Variants in PHACTR1 observed in about 807,000 individuals in gnomAD.
The protein encoded by PHACTR1 is phosphatase and actin regulator 1, also known as RPEL repeat containing 1.
Under a neutral mutation model 69.2 loss-of-function variants are expected in PHACTR1, and 16 were observed. That is an observed-to-expected ratio of 0.23 (90% CI 0.16 to 0.35). PHACTR1 has a LOEUF of 0.35. Ranked by LOEUF, PHACTR1 falls within the 10% of genes least tolerant of loss-of-function variation. PHACTR1 has a pLI of 1.00. For missense variants in PHACTR1, 510 were observed against 734.7 expected, an observed-to-expected ratio of 0.69 and a Z score of 3.54; for synonymous variants, 312 against 284.5, an observed-to-expected ratio of 1.10 and a Z score of -0.97.
chr6:13,132,586 AAGTG>A (rs1469070199), intron 5 of PHACTR1, among the ~76,000 whole-genome samples: 2 of 152,150 alleles, frequency 1.3e-5, no homozygotes, highest in Non-Finnish European at 2.9e-5. Context: ...CACTGAAATA[AAGTG>A]AGTATTTCAG....
At chr6:13,121,586 G>A (rs1436643504) in intron 5 of PHACTR1, among the ~76,000 whole-genome samples, 3 of 152,178 alleles carry the variant, frequency 2.0e-5, no homozygotes, top group East Asian at 3.8e-4. Context: ...GGTCTCACAT[G>A]CCAATTTGAT....
At chr6:13,276,998 A>G (rs930053806) in intron 11 of PHACTR1, among the ~76,000 whole-genome samples, 1 of 152,196 alleles carries the variant, frequency 6.6e-6, no homozygotes, top group Admixed American at 6.5e-5. Context: ...TACTAACGCC[A>G]TTTGAAATTT....
intron 4 of PHACTR1, among the ~76,000 whole-genome samples, chr6:12,896,246 C>T (rs1784657082): frequency 6.6e-6 from 1 of 152,200 alleles, no homozygotes; most frequent in South Asian, 2.1e-4. Context: ...GCAGGCATTA[C>T]CCTTGTAACT....
chr6:12,890,095 C>T (rs1044679137), intron 4 of PHACTR1, among the ~76,000 whole-genome samples: 1 of 150,982 alleles, frequency 6.6e-6, no homozygotes, highest in Non-Finnish European at 1.5e-5. Context: ...AGCTCCATCT[C>T]CTACCAAATC....
chr6:12,806,344 C>T (rs922918673), intron 4 of PHACTR1, among the ~76,000 whole-genome samples: 13 of 152,312 alleles, frequency 8.5e-5, no homozygotes, highest in East Asian at 7.7e-4. Context: ...TTTTTCTCTC[C>T]TACTACATTG....
At chr6:12,754,382 C>A (rs1273067190) in intron 4 of PHACTR1, among the ~76,000 whole-genome samples, 1 of 152,084 alleles carries the variant, frequency 6.6e-6, no homozygotes, top group Non-Finnish European at 1.5e-5. Context: ...CAGTGTGTTC[C>A]TCACTATATT....
intron 4 of PHACTR1, among the ~76,000 whole-genome samples, chr6:12,823,916 T>A (rs1776489123): frequency 6.6e-6 from 1 of 152,126 alleles, no homozygotes; most frequent in Non-Finnish European, 1.5e-5. Context: ...CTGAATTATA[T>A]TTTTCCTTCC....
intron 3 of PHACTR1, among the ~76,000 whole-genome samples, chr6:12,743,941 A>G (rs956539858): frequency 6.6e-5 from 10 of 152,298 alleles, no homozygotes; most frequent in African/African-American, 2.4e-4. Flanking sequence ...AAGAACAGAA[A>G]TTATAACAAA....
rs1821388396 is a variant in PHACTR1, at chr6:13,135,374, A to C, written c.416-24830A>C. Among the ~76,000 whole-genome samples the C allele has an allele frequency of 2.0e-5, 3 of 152,292 alleles. 1 individual carries two copies. In the South Asian group the frequency reaches 6.2e-4, roughly 32 times the overall value. ...CTGTGCGTCCCCAGCTGCCCTGCGG[A>C]GTCGCTGTTAGACATTGTACACCTG... On this transcript the variant is annotated intron_variant, in intron 5 of 14. Coordinates refer to ENST00000332995, the MANE Select transcript of PHACTR1 (RefSeq NM_030948.6).
rs374578524 is a variant in PHACTR1 at position 13,227,796 on chromosome 6, T to C, written c.987-20T>C. On this transcript the variant is annotated intron_variant, in intron 8 of 14. Coordinates refer to ENST00000332995, the MANE Select transcript of PHACTR1 (RefSeq NM_030948.6). ...CGTTAGCCAAAGTGAATTTCCTCTT[T>C]CCTCCTTGTCTTTAAACAGCTCTGA... is the stretch of plus-strand genomic sequence containing the variant. 25 of 1,606,186 alleles carry C rather than the reference T, an allele frequency of 1.6e-5. No homozygotes were observed. Among genetic ancestry groups the C allele is most frequent in the African/African-American group, 2.7e-5 (2 of 74,510 alleles).
At position 13,053,260 on chromosome 6, in the gene PHACTR1, G is replaced by T. The variant is rs961474028; in HGVS notation, c.251-105G>T. 6 of 1,190,938 alleles carry T rather than the reference G, an allele frequency of 5.0e-6. No individual in the cohort carries two copies. The African/African-American group carries it at 9.3e-5, about 18-fold the overall frequency. 73.8% of individuals were successfully genotyped at this position (1,190,938 alleles called of 1,614,324 possible). On this transcript the variant is annotated intron_variant, in intron 4 of 14. Coordinates refer to ENST00000332995, the MANE Select transcript of PHACTR1 (RefSeq NM_030948.6). ...AGGCAAAGAGAAACTCTAGTCACGT[G>T]GTTTCTGTTATCTGTAACCATGGAA...
At chr6:13,274,625 G>A (rs906897031) in intron 11 of PHACTR1, 4 of 152,210 alleles carry the variant, frequency 2.6e-5, no homozygotes, top group African/African-American at 4.8e-5. Flanking sequence ...CCAGGAGTAC[G>A]GTTTCTGGAG....
rs567834599 is a variant in PHACTR1 at position 12,718,879 on chromosome 6, T to C, written c.103+32T>C. On this transcript the variant is annotated intron_variant, in intron 3 of 14. Transcript: ENST00000332995. ...AAATAAGAAAAAGAAATTCCTCTTA[T>C]TTGCACGTCGGTTTTATATGAACAG... 77 of 1,406,884 alleles carry C rather than the reference T, an allele frequency of 5.5e-5. No homozygotes were observed. The South Asian group carries it at 7.4e-4, about 14-fold the overall frequency. 87.2% of individuals were successfully genotyped at this position (1,406,884 alleles called of 1,614,324 possible). A position where few individuals can be genotyped will look rare whatever the true frequency, so the allele number is the denominator to read the frequency against.
intron 6 of PHACTR1, among the ~76,000 whole-genome samples, chr6:13,173,263 C>T (rs974014992): frequency 1.3e-5 from 2 of 152,154 alleles, no homozygotes; most frequent in African/African-American, 2.4e-5. Flanking sequence ...CAACTTAAAT[C>T]GTTTTTTGTT....
At chr6:12,972,850 C>T (rs140613419) in intron 4 of PHACTR1, among the ~76,000 whole-genome samples, 59 of 152,162 alleles carry the variant, frequency 3.9e-4, no homozygotes, top group Middle Eastern at 6.8e-3. Flanking sequence ...GGGGTTTCAC[C>T]GTATTGATCA....
intron 7 of PHACTR1, among the ~76,000 whole-genome samples, chr6:13,185,324 A>G (rs916372205): frequency 8.4e-4 from 128 of 152,356 alleles, no homozygotes; most frequent in African/African-American, 3.1e-3. Flanking sequence ...TTCAATGTCA[A>G]CATTTTTGCA....
At chr6:12,913,849 A>G (rs1204816289) in intron 4 of PHACTR1, among the ~76,000 whole-genome samples, 1 of 152,182 alleles carries the variant, frequency 6.6e-6, no homozygotes, top group Non-Finnish European at 1.5e-5. Flanking sequence ...ACCTGTTTAC[A>G]CCCTACTCAT....
intron 5 of PHACTR1, among the ~76,000 whole-genome samples, chr6:13,126,784 A>G (rs1819603982): frequency 6.6e-6 from 1 of 152,258 alleles, no homozygotes; most frequent in South Asian, 2.1e-4. Flanking sequence ...AGTAAATGGT[A>G]GATATGGAAT....
intron 4 of PHACTR1, among the ~76,000 whole-genome samples, chr6:13,044,076 A>G (rs112716028): frequency 0.019 from 2,816 of 152,126 alleles, 81 homozygotes; most frequent in African/African-American, 0.063. Flanking sequence ...CTAACAATAT[A>G]GAACCTGTAT....
Sources: allele counts gnomAD v4.1 joint callset (sites outside exome capture counted in the v4.1 genomes callset), GRCh38; gene constraint gnomAD v4.1.1; transcripts MANE v1.5; gene names NCBI Gene and HGNC (gene_info 2026-07-23, HGNC 2026-07-21).